The following STX8 variants were observed in gnomAD, a reference collection of about 807,000 sequenced individuals.
STX8 encodes the protein syntaxin-8.
A neutral mutation model predicts 37.5 loss-of-function variants in STX8; 23 were observed. That is an observed-to-expected ratio of 0.61 (90% CI 0.44 to 0.87). STX8 has a LOEUF of 0.87. Among genes scored for constraint, STX8 ranks in the 40% least tolerant of loss-of-function variants. The pLI is 0.00. For missense variants in STX8, 313 were observed against 284.7 expected, an observed-to-expected ratio of 1.10 and a Z score of -0.71; for synonymous variants, 115 against 99.1, an observed-to-expected ratio of 1.16 and a Z score of -0.95.
intron 6 of STX8, among the ~76,000 whole-genome samples, chr17:9,415,564 G>T (rs1367613094): frequency 6.6e-6 from 1 of 151,978 alleles, no homozygotes; most frequent in Non-Finnish European, 1.5e-5. Context: ...AAGGTCAGGA[G>T]ATTGAGCATC....
intron 7 of STX8, among the ~76,000 whole-genome samples, chr17:9,258,763 C>T (rs1205662852): frequency 6.6e-6 from 1 of 152,244 alleles, no homozygotes; most frequent in Non-Finnish European, 1.5e-5. Context: ...GTGGGCCAGG[C>T]TTCCTCTGTG....
chr17:9,382,688 CCAGA>C (rs1221936946), intron 6 of STX8, among the ~76,000 whole-genome samples: 4 of 152,138 alleles, frequency 2.6e-5, no homozygotes, highest in Non-Finnish European at 5.9e-5. Flanking sequence ...TAATATCAGA[CCAGA>C]CAGACTTCTT....
At chr17:9,267,488 G>A (rs780918267) in intron 7 of STX8, among the ~76,000 whole-genome samples, 1 of 152,134 alleles carries the variant, frequency 6.6e-6, no homozygotes, top group Non-Finnish European at 1.5e-5. Flanking sequence ...CGTGTTGTGT[G>A]ACACCACAGC....
At chr17:9,354,578 C>G (rs1313057343) in intron 7 of STX8, among the ~76,000 whole-genome samples, 1 of 151,780 alleles carries the variant, frequency 6.6e-6, no homozygotes, top group Non-Finnish European at 1.5e-5. Context: ...CCTCGGCCTC[C>G]CAAAGTGCTG....
chr17:9,507,204 G>C lies in STX8; in HGVS notation c.324-2042C>G, dbSNP rs928904257. On this transcript the variant is annotated intron_variant, in intron 4 of 7. Coordinates refer to ENST00000306357, the MANE Select transcript of STX8 (RefSeq NM_004853.3). This position sits in a 1 kb window ranked among gnomAD's most constrained non-coding sequence, Gnocchi z 4.0. ...TGCAGCCCCCTACAGACATGCCCCCGGCCTGCCCAAAGGCCCCACACCTCA... is the reference window on the plus strand; with the variant it reads ...TGCAGCCCCCTACAGACATGCCCCCCGCCTGCCCAAAGGCCCCACACCTCA... Among the ~76,000 whole-genome samples the C allele has an allele frequency of 6.6e-6, 1 of 151,900 alleles. No homozygotes were observed. The highest frequency in any genetic ancestry group is 1.5e-5 in the Non-Finnish European group (1 of 67,954).
chr17:9,260,432 G>A (rs11869191), intron 7 of STX8, among the ~76,000 whole-genome samples: 3 of 151,920 alleles, frequency 2.0e-5, no homozygotes, highest in Non-Finnish European at 4.4e-5. Flanking sequence ...GAGACCAGCC[G>A]GGCCAACATG....
At chr17:9,294,293 T>C (rs1908433295) in intron 7 of STX8, among the ~76,000 whole-genome samples, 1 of 152,136 alleles carries the variant, frequency 6.6e-6, no homozygotes, top group Non-Finnish European at 1.5e-5. Context: ...CTAATGGTGA[T>C]AAAGTGAAAG....
At chr17:9,575,422 C>G (rs1330601982) in intron 1 of STX8, among the ~76,000 whole-genome samples, 3 of 152,124 alleles carry the variant, frequency 2.0e-5, no homozygotes, top group Non-Finnish European at 4.4e-5. Flanking sequence ...TGACATGCTA[C>G]AAAAACGTTA....
chr17:9,281,273 C>G (rs1008304261), intron 7 of STX8, among the ~76,000 whole-genome samples: 3 of 152,084 alleles, frequency 2.0e-5, no homozygotes, highest in African/African-American at 7.2e-5. Context: ...CATAGACACT[C>G]AGGAGGTGGA....
chr17:9,447,213 G>A (rs890302558), intron 6 of STX8, among the ~76,000 whole-genome samples: 1 of 152,092 alleles, frequency 6.6e-6, no homozygotes, highest in African/African-American at 2.4e-5. Context: ...ATGGAGGTTT[G>A]GTAAGTGCGT....
At chr17:9,546,596 T>TTG in intron 3 of STX8, among the ~76,000 whole-genome samples, 1 of 121,664 alleles carries the variant, frequency 8.2e-6, no homozygotes, top group East Asian at 2.4e-4. Flanking sequence ...AAGTGGTTTT[T>TTG]TTTTTTTTTT....
chr17:9,431,522 C>T, intron 6 of STX8, among the ~76,000 whole-genome samples: 1 of 151,956 alleles, frequency 6.6e-6, no homozygotes, highest in Non-Finnish European at 1.5e-5. Context: ...GTCTCGATCT[C>T]TTGACCTTGT....
chr17:9,425,336 C>A (rs897376035), intron 6 of STX8, among the ~76,000 whole-genome samples: 1 of 152,160 alleles, frequency 6.6e-6, no homozygotes, highest in Admixed American at 6.5e-5. Flanking sequence ...ATCACACATG[C>A]TCCTGTCCAG....
intron 6 of STX8, among the ~76,000 whole-genome samples, chr17:9,418,863 A>G (rs1255358638): frequency 2.2e-5 from 3 of 135,724 alleles, no homozygotes; most frequent in Admixed American, 1.5e-4. Context: ...GGGGAGGGAG[A>G]GGAACATTTG....
At chr17:9,287,499 G>A (rs1475630785) in intron 7 of STX8, among the ~76,000 whole-genome samples, 1 of 152,146 alleles carries the variant, frequency 6.6e-6, no homozygotes, top group South Asian at 2.1e-4. Context: ...GTTTTCATAG[G>A]GCATGAGAAG....
At chr17:9,508,052 C>T (rs999824260) in intron 4 of STX8, among the ~76,000 whole-genome samples, 10 of 152,190 alleles carry the variant, frequency 6.6e-5, no homozygotes, top group African/African-American at 2.4e-4. Context: ...CAAAGGAATA[C>T]AATAATTCCT....
chr17:9,569,383 G>A (rs1486966377), intron 1 of STX8: 2 of 154,676 alleles, frequency 1.3e-5, no homozygotes, highest in Non-Finnish European at 2.9e-5. Context: ...GTGACACCGA[G>A]GCAAGGTGAA....
At position 9,320,713 on chromosome 17, in the gene STX8, T is replaced by C. The variant is rs372657555; in HGVS notation, c.643+57839A>G. Reference sequence around the variant, plus strand: ...TTCAAGACTAGCCTGGCTAACATGGTGAAACCTCATCTCTATTAAAAAAAA... The same window carrying C: ...TTCAAGACTAGCCTGGCTAACATGGCGAAACCTCATCTCTATTAAAAAAAA... On this transcript the variant is annotated intron_variant, in intron 7 of 7. Coordinates refer to ENST00000306357, the MANE Select transcript of STX8 (RefSeq NM_004853.3). Among the ~76,000 whole-genome samples the C allele has an allele frequency of 1.5e-3, 222 of 149,972 alleles. 1 individual carries two copies. The highest frequency in any genetic ancestry group is 5.0e-3 in the African/African-American group (201 of 40,190).
At chr17:9,324,157 A>ACACAC (rs1567783713) in intron 7 of STX8, among the ~76,000 whole-genome samples, 69 of 114,272 alleles carry the variant, frequency 6.0e-4, no homozygotes, top group African/African-American at 1.6e-3. Flanking sequence ...CACACACACA[A>ACACAC]ACACAAACAC....
Sources: allele counts gnomAD v4.1 joint callset (sites outside exome capture counted in the v4.1 genomes callset), GRCh38; gene constraint gnomAD v4.1.1; non-coding constraint Gnocchi (gnomAD v3.1); transcripts MANE v1.5; gene names NCBI Gene and HGNC (gene_info 2026-07-23, HGNC 2026-07-21).